CHST8: variants seen among roughly 807,000 people sequenced by gnomAD.
The protein encoded by CHST8 is carbohydrate sulfotransferase 8, also known as GALNAC-4-ST1.
Under a neutral mutation model 15.0 loss-of-function variants are expected in CHST8, and 10 were observed. The observed-to-expected ratio is 0.67, with a 90% CI of 0.41 to 1.13. CHST8 has a LOEUF of 1.13. Ranked by LOEUF, CHST8 falls within the 50% of genes most tolerant of loss-of-function variation. The probability of loss-of-function intolerance (pLI) is 0.00; values close to 1 mark genes in which losing one functional copy is unlikely to be tolerated. For missense variants in CHST8, 634 were observed against 608.2 expected (o/e 1.04, Z -0.45); for synonymous variants, 259 against 256.6 (o/e 1.01, Z -0.09).
chr19:33,705,904 T>A (rs1215393443), intron 3 of CHST8, among the ~76,000 whole-genome samples: 1 of 152,194 alleles, frequency 6.6e-6, no homozygotes, highest in East Asian at 1.9e-4. Context: ...GGGTGTGGTA[T>A]GGGCAATGAT....
chr19:33,628,302 CAT>C (rs1972082626), intron 1 of CHST8, among the ~76,000 whole-genome samples: 1 of 152,200 alleles, frequency 6.6e-6, no homozygotes, highest in African/African-American at 2.4e-5. Flanking sequence ...AAGCAGGTGA[CAT>C]GTGGCTGGAG....
chr19:33,680,087 G>A (rs1469914905), intron 2 of CHST8, among the ~76,000 whole-genome samples: 4 of 152,078 alleles, frequency 2.6e-5, no homozygotes, highest in Non-Finnish European at 5.9e-5. Context: ...TCCCTTTGCA[G>A]GTATTGATCC....
chr19:33,633,003 G>A (rs1383793639), intron 1 of CHST8, among the ~76,000 whole-genome samples: 1 of 151,960 alleles, frequency 6.6e-6, no homozygotes, highest in Non-Finnish European at 1.5e-5. Flanking sequence ...GCTAATTTTT[G>A]TATTTTTAGT....
intron 3 of CHST8, among the ~76,000 whole-genome samples, chr19:33,755,277 C>T (rs1003831378): frequency 5.9e-5 from 9 of 152,226 alleles, no homozygotes; most frequent in African/African-American, 1.9e-4. Flanking sequence ...CCCTGTTACA[C>T]AGCAGCCCTT....
chr19:33,642,810 C>A (rs776786342), intron 1 of CHST8, among the ~76,000 whole-genome samples: 1 of 152,194 alleles, frequency 6.6e-6, no homozygotes, highest in South Asian at 2.1e-4. Flanking sequence ...GCTTTATATA[C>A]GTAAACTCGT....
intron 1 of CHST8, among the ~76,000 whole-genome samples, chr19:33,644,892 G>T (rs1444160081): frequency 6.6e-6 from 1 of 152,168 alleles, no homozygotes; most frequent in African/African-American, 2.4e-5. Flanking sequence ...TGAGATTAGA[G>T]GTTGGGAAGA....
At chr19:33,707,992 ATC>A (rs1973478700) in intron 3 of CHST8, among the ~76,000 whole-genome samples, 2 of 152,156 alleles carry the variant, frequency 1.3e-5, no homozygotes, top group Admixed American at 1.3e-4. Flanking sequence ...TTTAATTTGC[ATC>A]TCTCTAATGA....
chr19:33,672,640 G>A (rs981964440), intron 2 of CHST8, among the ~76,000 whole-genome samples: 3 of 152,328 alleles, frequency 2.0e-5, no homozygotes, highest in Admixed American at 2.0e-4. Flanking sequence ...GACTGGCCGG[G>A]CAGTCGGGGC....
intron 3 of CHST8, among the ~76,000 whole-genome samples, chr19:33,767,087 G>A (rs959033819): frequency 3.4e-5 from 5 of 145,658 alleles, no homozygotes; most frequent in East Asian, 1.9e-4. Flanking sequence ...TAGCATCATC[G>A]CCCATCAGGG....
At chr19:33,687,494 TC>T (rs1386928089) in intron 2 of CHST8, among the ~76,000 whole-genome samples, 1 of 152,060 alleles carries the variant, frequency 6.6e-6, no homozygotes. Context: ...CGGAGCCAGC[TC>T]CAGAGACAAA....
At chr19:33,762,898 G>A (rs1171793580) in intron 3 of CHST8, among the ~76,000 whole-genome samples, 2 of 146,488 alleles carry the variant, frequency 1.4e-5, no homozygotes, top group East Asian at 3.9e-4. Flanking sequence ...GCCTTGCTCT[G>A]TCGCCCAGGC....
At chr19:33,636,864 G>T (rs1050210797) in intron 1 of CHST8, among the ~76,000 whole-genome samples, 2 of 152,160 alleles carry the variant, frequency 1.3e-5, no homozygotes, top group African/African-American at 4.8e-5. Context: ...TCGCGCCATT[G>T]CACTCCAGCC....
chr19:33,641,452 C>T (rs895242145), intron 1 of CHST8, among the ~76,000 whole-genome samples: 2 of 152,204 alleles, frequency 1.3e-5, no homozygotes, highest in Non-Finnish European at 2.9e-5. Flanking sequence ...GGGTTAAGGG[C>T]TCCCCCAGAT....
intron 3 of CHST8, among the ~76,000 whole-genome samples, chr19:33,729,430 C>A (rs182093085): frequency 1.3e-5 from 2 of 152,204 alleles, no homozygotes; most frequent in Non-Finnish European, 2.9e-5. Flanking sequence ...GAAGTCACAG[C>A]GCGTGTGTAA....
rs549612507 is a variant in CHST8, at chr19:33,771,224, TC to T, written c.131-185del. The stretch of plus-strand genomic sequence containing the variant: ...CCAGTGGGACCACATGTTTGCTGCG[TC>T]CCCATTTTCTGCATGGGTAGGGGAT... On this transcript the variant is annotated intron_variant, in intron 3 of 4. Coordinates refer to ENST00000650847, the MANE Select transcript of CHST8 (RefSeq NM_001127895.2). Among the ~76,000 whole-genome samples the T allele has an allele frequency of 3.9e-5, 6 of 152,202 alleles. No homozygotes were observed. In the South Asian group the frequency reaches 1.2e-3, roughly 32 times the overall value.
intron 3 of CHST8, among the ~76,000 whole-genome samples, chr19:33,741,861 G>A (rs1406949544): frequency 1.3e-5 from 2 of 152,100 alleles, no homozygotes; most frequent in African/African-American, 2.4e-5. Flanking sequence ...AAGGACATGG[G>A]GGTTTTGCCA....
At chr19:33,665,049 G>A (rs533254023) in intron 1 of CHST8, among the ~76,000 whole-genome samples, 49 of 152,266 alleles carry the variant, frequency 3.2e-4, no homozygotes, top group Non-Finnish European at 6.3e-4. Context: ...GACTAGTGCC[G>A]CAATAAACGT....
chr19:33,685,009 C>G (rs1210274917), intron 2 of CHST8: 1 of 152,248 alleles, frequency 6.6e-6, no homozygotes, highest in Middle Eastern at 3.2e-3. Context: ...AGAACTTTCC[C>G]GAGCCCGGGG....
chr19:33,721,635 T>A (rs1231335899), intron 3 of CHST8, among the ~76,000 whole-genome samples: 2 of 12,244 alleles, frequency 1.6e-4, no homozygotes, highest in East Asian at 6.8e-3. Context: ...GATGGATGTG[T>A]GGGTGGGTGG....
Sources: gnomAD v4.1 joint callset for allele counts (sites outside exome capture counted in the v4.1 genomes callset) on GRCh38, gnomAD v4.1.1 for gene constraint, MANE v1.5 for transcripts, NCBI Gene and HGNC (gene_info 2026-07-23, HGNC 2026-07-21) for gene names.